MDGA2: variants seen among roughly 807,000 people sequenced by gnomAD.
MDGA2 encodes the protein MAM domain-containing glycosylphosphatidylinositol anchor protein 2.
A neutral mutation model predicts 117.8 loss-of-function variants in MDGA2; 40 were observed. The observed-to-expected ratio is 0.34, with a 90% CI of 0.26 to 0.44. The LOEUF is 0.44. Among genes scored for constraint, MDGA2 ranks in the 20% least tolerant of loss-of-function variants. The pLI, the probability that MDGA2 is intolerant of heterozygous loss-of-function variation, is 1.00. For synonymous variants in MDGA2, 452 were observed against 439.0 expected (o/e 1.03, Z -0.37); for missense variants, 1,123 against 1,250.6 (o/e 0.90, Z 1.54).
At chr14:47,080,325 A>G (rs1011167743) in intron 6 of MDGA2, among the ~76,000 whole-genome samples, 1 of 152,216 alleles carries the variant, frequency 6.6e-6, no homozygotes, top group Admixed American at 6.5e-5. Context: ...ATAACGCAAG[A>G]TCAAGCTAAT....
intron 1 of MDGA2, among the ~76,000 whole-genome samples, chr14:47,549,716 C>T (rs1369615421): frequency 6.6e-6 from 1 of 152,090 alleles, no homozygotes; most frequent in African/African-American, 2.4e-5. Context: ...TCTGATAGGA[C>T]TGGTTGTCCT....
chr14:47,310,991 A>G (rs943748351), intron 1 of MDGA2, among the ~76,000 whole-genome samples: 4 of 152,130 alleles, frequency 2.6e-5, no homozygotes, highest in Non-Finnish European at 4.4e-5. Context: ...CAGAAGCCAT[A>G]TATCATGTGG....
intron 1 of MDGA2, among the ~76,000 whole-genome samples, chr14:47,476,973 C>T (rs1766566348): frequency 6.6e-6 from 1 of 151,936 alleles, no homozygotes; most frequent in Admixed American, 6.6e-5. Context: ...ATCAGCCTGA[C>T]CAACATGGTG....
At chr14:47,221,402 A>C (rs1594734311) in intron 2 of MDGA2, among the ~76,000 whole-genome samples, 1 of 152,166 alleles carries the variant, frequency 6.6e-6, no homozygotes, top group South Asian at 2.1e-4. Flanking sequence ...AAATGAGATA[A>C]AGAGGGCCGG....
intron 9 of MDGA2, among the ~76,000 whole-genome samples, chr14:46,933,850 A>G (rs1305530383): frequency 9.3e-6 from 1 of 107,102 alleles, no homozygotes; most frequent in Non-Finnish European, 1.9e-5. Flanking sequence ...ATATATATAT[A>G]TACTTTTCTT....
intron 8 of MDGA2, among the ~76,000 whole-genome samples, chr14:46,960,776 CAT>C (rs2138273845): frequency 6.8e-6 from 1 of 146,646 alleles, no homozygotes; most frequent in East Asian, 2.0e-4. Flanking sequence ...AATTTGTGTA[CAT>C]ATTATACATA....
intron 5 of MDGA2, among the ~76,000 whole-genome samples, chr14:47,113,749 A>G (rs1267997590): frequency 1.3e-5 from 2 of 152,152 alleles, no homozygotes; most frequent in Non-Finnish European, 2.9e-5. Context: ...TATTGATGGA[A>G]CACACCTCAA....
intron 1 of MDGA2, among the ~76,000 whole-genome samples, chr14:47,544,481 G>T (rs780024173): frequency 1.4e-4 from 22 of 152,292 alleles, no homozygotes; most frequent in Non-Finnish European, 2.6e-4. Context: ...TGTCAATCAT[G>T]TGTCTGCCAA....
At chr14:47,383,954 GTCTC>G (rs1891694562) in intron 1 of MDGA2, among the ~76,000 whole-genome samples, 1 of 150,494 alleles carries the variant, frequency 6.6e-6, no homozygotes, top group African/African-American at 2.4e-5. Flanking sequence ...CTAGCATAAA[GTCTC>G]TATGTATAGA....
rs1594497967 is a variant in MDGA2 at position 46,987,759 on chromosome 14, C to T, written c.1820-30116G>A. On this transcript the variant is annotated intron_variant, in intron 8 of 16. Coordinates refer to ENST00000399232, the MANE Select transcript of MDGA2 (RefSeq NM_001113498.3). ...TATGTGAAAGGCAACTACTATGTTG[C>T]TTCTATGTGCAAAGCAATTTAACCT... Among the ~76,000 whole-genome samples the T allele has an allele frequency of 6.6e-5, 10 of 151,842 alleles. 1 individual carries two copies. In the South Asian group the frequency reaches 1.9e-3, roughly 28 times the overall value.
intron 1 of MDGA2, among the ~76,000 whole-genome samples, chr14:47,365,962 A>C (rs895878654): frequency 6.6e-6 from 1 of 152,116 alleles, no homozygotes; most frequent in African/African-American, 2.4e-5. Flanking sequence ...CTTTTAATTT[A>C]TCTAAATCTT....
chr14:46,991,239 G>A (rs1347719911), intron 8 of MDGA2, among the ~76,000 whole-genome samples: 1 of 152,074 alleles, frequency 6.6e-6, no homozygotes, highest in Non-Finnish European at 1.5e-5. Flanking sequence ...GACATCCTCT[G>A]CCTTAGAAAG....
chr14:47,466,737 G>A (rs2416083), intron 1 of MDGA2, among the ~76,000 whole-genome samples: 52,306 of 151,892 alleles, frequency 0.34, 9,391 homozygotes, highest in East Asian at 0.59. Context: ...TTAGAGCAGC[G>A]GGGTGGATGA....
In MDGA2 at chr14:47,332,713, A is replaced by T. The variant is rs556156888; in HGVS notation, c.281-31163T>A. On this transcript the variant is annotated intron_variant, in intron 1 of 16. Coordinates refer to ENST00000399232, the MANE Select transcript of MDGA2 (RefSeq NM_001113498.3). Reference sequence around the variant, plus strand: ...ACAAGTGCAGTTTTGTTACATGGGTATATTGCTAATGGTGAAGTCTGGGCT... The same window carrying T: ...ACAAGTGCAGTTTTGTTACATGGGTTTATTGCTAATGGTGAAGTCTGGGCT... Among the ~76,000 whole-genome samples, 5 of 152,020 alleles carry T rather than the reference A, an allele frequency of 3.3e-5. No homozygotes were observed. In the East Asian group the frequency reaches 9.7e-4, roughly 29 times the overall value.
chr14:46,996,716 GCAGA>G (rs1887306826), intron 8 of MDGA2: 1 of 161,022 alleles, frequency 6.2e-6, no homozygotes. Flanking sequence ...GTGATTTAAT[GCAGA>G]CAGTGTCAGT....
intron 1 of MDGA2, among the ~76,000 whole-genome samples, chr14:47,564,139 G>A (rs1026655932): frequency 7.9e-5 from 12 of 152,148 alleles, no homozygotes; most frequent in African/African-American, 1.4e-4. Flanking sequence ...GCCTGATGGG[G>A]TTCCCTTTGT....
At chr14:47,348,954 G>C (rs541717991) in intron 1 of MDGA2, among the ~76,000 whole-genome samples, 2 of 152,292 alleles carry the variant, frequency 1.3e-5, no homozygotes, top group South Asian at 4.1e-4. Flanking sequence ...TGAGAATCCA[G>C]TGGAGATTGA....
intron 1 of MDGA2, among the ~76,000 whole-genome samples, chr14:47,497,504 C>T (rs574039005): frequency 4.2e-4 from 64 of 152,130 alleles, no homozygotes; most frequent in African/African-American, 1.4e-3. Flanking sequence ...GTGATCTGCC[C>T]GCCTCAACCT....
intron 1 of MDGA2, among the ~76,000 whole-genome samples, chr14:47,590,990 A>G (rs557095172): frequency 4.0e-5 from 6 of 151,720 alleles, no homozygotes; most frequent in African/African-American, 9.7e-5. Flanking sequence ...GAATTGTTAG[A>G]AAAAAAAAGT....
Sources: allele counts gnomAD v4.1 joint callset (sites outside exome capture counted in the v4.1 genomes callset), GRCh38; gene constraint gnomAD v4.1.1; transcripts MANE v1.5; gene names NCBI Gene and HGNC (gene_info 2026-07-23, HGNC 2026-07-21).